ABCB4: variants seen among roughly 807,000 people sequenced by gnomAD.
ABCB4 encodes the protein phosphatidylcholine translocator ABCB4.
A neutral mutation model predicts 145.7 loss-of-function variants in ABCB4; 76 were observed. The ratio of observed to expected loss-of-function variants is 0.52; its 90% CI spans 0.43 to 0.63. ABCB4 has a LOEUF of 0.63. Ranked by LOEUF, ABCB4 falls within the 30% of genes least tolerant of loss-of-function variation. ABCB4 has a pLI of 0.00. For missense variants in ABCB4, 1,234 were observed against 1,553.1 expected (o/e 0.79, Z 3.45); for synonymous variants, 517 against 566.8 (o/e 0.91, Z 1.25).
intron 26 of ABCB4, chr7:87,405,983 A>T: frequency 4.7e-6 from 2 of 428,314 alleles, no homozygotes; most frequent in Non-Finnish European, 8.6e-6. Context: ...CAAAATAAAA[A>T]CTATAATTGT....
At chr7:87,470,609 A>G (rs146871246) in intron 3 of ABCB4, among the ~76,000 whole-genome samples, 33,477 of 152,156 alleles carry the variant, frequency 0.22, 3,937 homozygotes, top group African/African-American at 0.3. Flanking sequence ...CAATAGACAC[A>G]TGAAAAAATG....
chr7:87,393,639 C>T, the ABCB4 span, among the ~76,000 whole-genome samples: 2 of 152,122 alleles, frequency 1.3e-5, no homozygotes, highest in Admixed American at 6.6e-5. Flanking sequence ...TCCTTATCTA[C>T]AGTCTGGCAG....
intron 15 of ABCB4, among the ~76,000 whole-genome samples, chr7:87,427,906 C>A (rs975157914): frequency 2.0e-5 from 3 of 152,154 alleles, no homozygotes; most frequent in Non-Finnish European, 4.4e-5. Flanking sequence ...TCAACAAAAA[C>A]CAACCTAGGC....
chr7:87,379,994 C>T, the ABCB4 span, among the ~76,000 whole-genome samples: 1 of 152,006 alleles, frequency 6.6e-6, no homozygotes, highest in Non-Finnish European at 1.5e-5. Context: ...ACCTATACTC[C>T]CAACTACTTG....
intron 14 of ABCB4, among the ~76,000 whole-genome samples, chr7:87,436,598 A>G (rs1470173290): frequency 6.6e-6 from 1 of 152,204 alleles, no homozygotes; most frequent in Non-Finnish European, 1.5e-5. Context: ...GCAGATACAG[A>G]TCATTTCTTA....
At chr7:87,418,350 T>C (rs996759141) in intron 20 of ABCB4, among the ~76,000 whole-genome samples, 187 bp downstream of exon 20, 5 of 152,244 alleles carry the variant, frequency 3.3e-5, no homozygotes, top group African/African-American at 1.2e-4. Flanking sequence ...GGATTCTGGA[T>C]TAAATCTGGA....
intron 19 of ABCB4, among the ~76,000 whole-genome samples, chr7:87,419,242 G>C (rs972418413): frequency 6.6e-6 from 1 of 152,186 alleles, no homozygotes; most frequent in Non-Finnish European, 1.5e-5. Context: ...ACTGAAATAG[G>C]ATTTGTAGAC....
chr7:87,412,999 C>A (rs1265921633), intron 22 of ABCB4, among the ~76,000 whole-genome samples: 1 of 152,194 alleles, frequency 6.6e-6, no homozygotes, highest in Non-Finnish European at 1.5e-5. Flanking sequence ...TGCAAGTGTT[C>A]AAAACTACTG....
the ABCB4 span, among the ~76,000 whole-genome samples, chr7:87,376,718 C>G: frequency 0.082 from 12,387 of 151,044 alleles, 550 homozygotes; most frequent in South Asian, 0.16. Flanking sequence ...TTTTTGACCA[C>G]AATTTTTAGT....
intron 9 of ABCB4, among the ~76,000 whole-genome samples, chr7:87,445,291 T>G (rs1212143586): frequency 6.6e-6 from 1 of 152,194 alleles, no homozygotes; most frequent in Non-Finnish European, 1.5e-5. Flanking sequence ...CCATCCTATA[T>G]GATTTTCTCT....
chr7:87,382,378 A>G, the ABCB4 span: 1 of 1,600,666 alleles, frequency 6.2e-7, no homozygotes, highest in Non-Finnish European at 8.5e-7. Context: ...TCCTTAGGTG[A>G]TTTTTCACCG....
At chr7:87,382,422 C>T in the ABCB4 span, 1 of 1,612,992 alleles carries the variant, frequency 6.2e-7, no homozygotes. Flanking sequence ...GGCATCTGAT[C>T]TACAGATTGC....
intron 4 of ABCB4, among the ~76,000 whole-genome samples, chr7:87,462,530 T>A (rs901244718): frequency 2.6e-5 from 4 of 152,208 alleles, no homozygotes; most frequent in African/African-American, 9.7e-5. Flanking sequence ...TCCTGTGTAT[T>A]TCCTTCACCT....
At chr7:87,384,500 C>T in the ABCB4 span, among the ~76,000 whole-genome samples, 7 of 152,178 alleles carry the variant, frequency 4.6e-5, no homozygotes, top group Admixed American at 1.3e-4. Context: ...CCACTGCACT[C>T]CAGCCTGGGC....
At chr7:87,367,934 A>G in the ABCB4 span, among the ~76,000 whole-genome samples, 1 of 152,134 alleles carries the variant, frequency 6.6e-6, no homozygotes, top group Non-Finnish European at 1.5e-5. Flanking sequence ...TCTGTTCTCC[A>G]TGTAACAGCT....
chr7:87,377,598 A>G, the ABCB4 span: 1 of 572,318 alleles, frequency 1.7e-6, no homozygotes, highest in Non-Finnish European at 3.1e-6. Flanking sequence ...ATGAATTCTC[A>G]TTGAAAGTAT....
intron 24 of ABCB4, 40 bp downstream of exon 24, chr7:87,409,196 G>A: frequency 6.2e-7 from 1 of 1,612,854 alleles, no homozygotes; most frequent in Non-Finnish European, 8.5e-7. Flanking sequence ...AAACCTTAGG[G>A]AAAAATTGAT....
chr7:87,378,260 C>T, the ABCB4 span, among the ~76,000 whole-genome samples: 11 of 150,590 alleles, frequency 7.3e-5, no homozygotes, highest in South Asian at 2.1e-4. Flanking sequence ...CTAGGAGGAT[C>T]GCTTGAACCT....
the ABCB4 span, among the ~76,000 whole-genome samples, chr7:87,387,163 A>G: frequency 6.6e-6 from 1 of 151,872 alleles, no homozygotes; most frequent in South Asian, 2.1e-4. Context: ...CCTGAGGATA[A>G]TTGGTACTAG....
Sources: gnomAD v4.1 joint callset for allele counts (sites outside exome capture counted in the v4.1 genomes callset) on GRCh38, gnomAD v4.1.1 for gene constraint, MANE v1.5 for transcripts, NCBI Gene and HGNC (gene_info 2026-07-23, HGNC 2026-07-21) for gene names.